The following ARNT variants were observed in gnomAD, a reference collection of about 807,000 sequenced individuals.
The protein encoded by ARNT is aryl hydrocarbon receptor nuclear translocator.
A neutral mutation model predicts 105.0 loss-of-function variants in ARNT; 30 were observed. That is an observed-to-expected ratio of 0.29 (90% CI 0.21 to 0.39). The LOEUF (loss-of-function observed/expected upper bound fraction) is 0.39. Among genes scored for constraint, ARNT ranks in the 10% least tolerant of loss-of-function variants. The pLI, the probability that ARNT is intolerant of heterozygous loss-of-function variation, is 1.00. For synonymous variants in ARNT, 304 were observed against 344.0 expected (o/e 0.88, Z 1.29); for missense variants, 748 against 978.7 (o/e 0.76, Z 3.15).
chr1:150,821,828 CTTTTTTT>C lies in ARNT; in HGVS notation c.1394+1359_1394+1365del, dbSNP rs367766946. ...CATGCCCAGCTAATTTTTGTATTTT[CTTTTTTT>C]TTTTTTTTTTTTTTTCAGTAGAGAC... On this transcript the variant is annotated intron_variant, in intron 14 of 21. Transcript: ENST00000358595. Among the ~76,000 whole-genome samples, 867 of 114,872 alleles carry C rather than the reference CTTTTTTT, an allele frequency of 7.5e-3. 3 individuals carry two copies. Among genetic ancestry groups the C allele is most frequent in the South Asian group, 0.023 (90 of 3,870 alleles). The allele number at this position is 114,872 out of a possible 152,430, so 75.4% of individuals were successfully genotyped here.
At chr1:150,830,091 G>T in intron 10 of ARNT, 111 bp from the exon 11 acceptor site, 1 of 1,206,054 alleles carries the variant, frequency 8.3e-7, no homozygotes, top group Non-Finnish European at 1.2e-6. Context: ...AGGCACCGTG[G>T]CTGACGCCTG....
At chr1:150,846,171 C>T in intron 4 of ARNT, 92 bp downstream of exon 4, 3 of 1,074,392 alleles carry the variant, frequency 2.8e-6, no homozygotes, top group African/African-American at 1.6e-5. Context: ...TCCGTCTCAT[C>T]CAGAAAAAAT....
intron 1 of ARNT, among the ~76,000 whole-genome samples, chr1:150,875,218 T>C (rs1004281187): frequency 3.9e-5 from 6 of 152,134 alleles, no homozygotes; most frequent in African/African-American, 1.4e-4. Flanking sequence ...CAGCACTTCC[T>C]GCAATGTAAT....
In ARNT at chr1:150,831,890, A is replaced by G. The variant is rs764178755; in HGVS notation, c.883T>C (p.Ser295Pro). 1 of 1,581,662 alleles carries G rather than the reference A, an allele frequency of 6.3e-7. No individual in the cohort carries two copies. Among genetic ancestry groups the G allele is most frequent in the African/African-American group, 1.4e-5 (1 of 72,492 alleles). Residue 295 changes from serine to proline, a missense_variant, in exon 10 of 22, where the codon TCT becomes CCT. Physicochemically the swap from Ser to Pro is moderately conservative, Grantham distance 74. Around this residue, in one of 4 missense-constraint regions of ARNT, gnomAD observed 291 missense variants for 444.6 expected, o/e 0.65. Coordinates refer to ENST00000358595, the MANE Select transcript of ARNT (RefSeq NM_001668.4). Reference protein sequence around the residue: ...VRNRCRNGLGSVKDGEPHFVV... With the variant: ...VRNRCRNGLGPVKDGEPHFVV... ...AAGTGAGGTTCCCCATCCTTTACAG[A>G]GCCAAGTCCATTCCTAGAAGAGTTA...
At position 150,811,738 on chromosome 1, in the gene ARNT, A is replaced by G. The variant is rs1355141678; in HGVS notation, c.*283T>C. The G allele has an allele frequency of 1.1e-5, 3 of 271,676 alleles. No individual in the cohort carries two copies. Among genetic ancestry groups the G allele is most frequent in the Non-Finnish European group, 2.1e-5 (3 of 143,660 alleles). 16.8% of individuals were successfully genotyped at this position (271,676 alleles called of 1,614,324 possible). ...CTTGATCTCAGCACAAATCAACACT[A>G]TACAATTTCAGGTCAGGAGACATAA... On this transcript the variant is annotated 3_prime_UTR_variant, in exon 22 of 22. Transcript: ENST00000358595.
intron 5 of ARNT, among the ~76,000 whole-genome samples, chr1:150,840,893 C>T (rs946554030): frequency 6.6e-6 from 1 of 151,698 alleles, no homozygotes; most frequent in Non-Finnish European, 1.5e-5. Context: ...GATAATCATG[C>T]AACATGCTGC....
At chr1:150,862,995 G>T (rs1417532473) in intron 1 of ARNT, among the ~76,000 whole-genome samples, 1 of 149,356 alleles carries the variant, frequency 6.7e-6, no homozygotes, top group African/African-American at 2.5e-5. Context: ...AGGTTGCAAT[G>T]AGCCAAGATC....
chr1:150,831,620 C>G (rs376327095), intron 10 of ARNT, 198 bp downstream of exon 10: 23 of 528,234 alleles, frequency 4.4e-5, no homozygotes, highest in African/African-American at 3.6e-4. Context: ...CATTTTCCAG[C>G]CTGAGTTATC....
At chr1:150,870,976 G>C (rs1211639578) in intron 1 of ARNT, among the ~76,000 whole-genome samples, 2 of 151,850 alleles carry the variant, frequency 1.3e-5, no homozygotes, top group Non-Finnish European at 2.9e-5. Context: ...AGACCAGCCG[G>C]GGCAATATAG....
chr1:150,845,679 G>A (rs1029017598), intron 4 of ARNT, among the ~76,000 whole-genome samples: 6 of 151,816 alleles, frequency 4.0e-5, no homozygotes, highest in Admixed American at 2.0e-4. Context: ...CGAGGCGGGC[G>A]GATCACAAGG....
chr1:150,828,664 T>TATATG (rs1658767182), intron 12 of ARNT, among the ~76,000 whole-genome samples: 1 of 152,288 alleles, frequency 6.6e-6, no homozygotes, highest in African/African-American at 2.4e-5. Context: ...TTTAAAAGTT[T>TATATG]ATATGATGCG....
chr1:150,816,808 G>T lies in ARNT; in HGVS notation c.1782C>A (p.Pro594=). ...FSQGNTFPPT[P]RPAENFRNSG... is the part of the protein sequence containing the mutation. ...CTCACCTGAAATTCTCTGCCGGCCG[G>T]GGGGTAGGAGGGAATGTGTTGCCCT... Residue 594 remains proline, a synonymous_variant, in exon 18 of 22, where the codon CCC becomes CCA. Transcript: ENST00000358595. 6.3e-7 allele frequency: 1 copy of T among 1,583,012 alleles called. No individual in the cohort carries two copies. Among genetic ancestry groups the T allele is most frequent in the Non-Finnish European group, 8.5e-7 (1 of 1,172,286 alleles).
intron 2 of ARNT, among the ~76,000 whole-genome samples, chr1:150,857,922 T>G (rs1446757370): frequency 6.6e-6 from 1 of 152,200 alleles, no homozygotes; most frequent in Non-Finnish European, 1.5e-5. Context: ...TGGAGCTGAA[T>G]GGACTCTGCA....
At chr1:150,838,829 C>CTAGA (rs1557898067) in intron 6 of ARNT, among the ~76,000 whole-genome samples, 1 of 152,214 alleles carries the variant, frequency 6.6e-6, no homozygotes, top group Non-Finnish European at 1.5e-5. Context: ...GTATGTCTAT[C>CTAGA]TAGTCCCACA....
rs587738726 is a variant in ARNT at position 150,856,313 on chromosome 1, G to A, written c.137+2036C>T. Reference sequence around the variant, plus strand: ...AAATTAGTCGGGCATCATGGCGGGCGCCTGTAGTCCCAGCTACTCGGGAGG... The same window carrying A: ...AAATTAGTCGGGCATCATGGCGGGCACCTGTAGTCCCAGCTACTCGGGAGG... On this transcript the variant is annotated intron_variant, in intron 2 of 21. Transcript: ENST00000358595. Among the ~76,000 whole-genome samples the A allele has an allele frequency of 1.9e-4, 29 of 152,184 alleles. No individual in the cohort carries two copies. The South Asian group carries it at 5.0e-3, about 26-fold the overall frequency.
At chr1:150,817,044 A>G (rs1297233969) in intron 17 of ARNT, 38 bp downstream of exon 17, 1 of 1,613,710 alleles carries the variant, frequency 6.2e-7, no homozygotes, top group Admixed American at 1.7e-5. Context: ...TAAGTGATCT[A>G]AATGAGAATT....
intron 21 of ARNT, 147 bp from the exon 22 acceptor site, chr1:150,812,257 T>C (rs913132533): frequency 2.1e-6 from 1 of 472,336 alleles, no homozygotes; most frequent in Non-Finnish European, 3.5e-6. Context: ...TCCAACAACT[T>C]TGACTCCTTT....
intron 14 of ARNT, among the ~76,000 whole-genome samples, chr1:150,818,708 C>T (rs1427693123): frequency 6.6e-6 from 1 of 151,996 alleles, no homozygotes; most frequent in Non-Finnish European, 1.5e-5. Flanking sequence ...GAGATAGCGC[C>T]ACCGCACTCC....
At chr1:150,832,050 C>A in intron 9 of ARNT, 147 bp from the exon 10 acceptor site, 1 of 709,062 alleles carries the variant, frequency 1.4e-6, no homozygotes, top group Non-Finnish European at 2.3e-6. Flanking sequence ...ATGACCGCCA[C>A]ATTTTTACCC....
Sources: allele counts gnomAD v4.1 joint callset (sites outside exome capture counted in the v4.1 genomes callset), GRCh38; gene constraint gnomAD v4.1.1; regional missense constraint gnomAD v4.1.1; transcripts MANE v1.5; gene names NCBI Gene and HGNC (gene_info 2026-07-23, HGNC 2026-07-21).